The following R3HDML variants were observed in gnomAD, a reference collection of about 807,000 sequenced individuals.
The protein encoded by R3HDML is R3H domain containing like.
In R3HDML, 21 loss-of-function variants were observed where a neutral mutation model predicts 24.2. That is an observed-to-expected ratio of 0.87 (90% CI 0.62 to 1.25). The LOEUF (loss-of-function observed/expected upper bound fraction) is 1.25. Among genes scored for constraint, R3HDML ranks in the 50% most tolerant of loss-of-function variants. R3HDML has a pLI of 0.00. For missense variants in R3HDML, 301 were observed against 340.3 expected (o/e 0.88, Z 0.91); for synonymous variants, 133 against 131.5 (o/e 1.01, Z -0.08).
At position 44,350,548 on chromosome 20, in the gene R3HDML, G is replaced by A. The variant is rs1289968346; in HGVS notation, c.630-112G>A. The A allele has an allele frequency of 5.3e-6, 5 of 942,394 alleles. No individual in the cohort carries two copies. The East Asian group carries it at 1.1e-4, about 22-fold the overall frequency. The allele number at this position is 942,394 out of a possible 1,614,324, so 58.4% of individuals were successfully genotyped here. ...AAAAGAAACCAAGGCTTGCAGATGT[G>A]ACTTGCCCCAGGTCCCCAGGGCTGG... On this transcript the variant is annotated intron_variant, in intron 4 of 4. Coordinates refer to ENST00000217043, the MANE Select transcript of R3HDML (RefSeq NM_178491.4).
In R3HDML at chr20:44,341,265, T is replaced by TC. The variant is rs777874051; in HGVS notation, c.332dup (p.Gln112ThrfsTer29). 1 of 1,614,174 alleles carries TC rather than the reference T, an allele frequency of 6.2e-7. No homozygotes were observed. Among genetic ancestry groups the TC allele is most frequent in the South Asian group, 1.1e-5 (1 of 91,078 alleles). ...CCAGTGCATCTGGGCACATGGGCCT[T>TC]CACAGCTGATGAGATACGTGGGCCA... On this transcript the variant is annotated frameshift_variant, in exon 2 of 5. Transcript: ENST00000217043. LOFTEE classifies it high-confidence loss of function.
chr20:44,348,251 G>C (rs769438941), intron 4 of R3HDML, among the ~76,000 whole-genome samples: 3 of 152,132 alleles, frequency 2.0e-5, no homozygotes, highest in Admixed American at 6.5e-5. Context: ...TCTTGGAATT[G>C]AGTGAGATAA....
chr20:44,345,705 G>A (rs1004726375), intron 4 of R3HDML, among the ~76,000 whole-genome samples: 3 of 152,046 alleles, frequency 2.0e-5, no homozygotes, highest in East Asian at 3.9e-4. Context: ...GGAGGGGTGA[G>A]GCGGGAGGGT....
intron 4 of R3HDML, among the ~76,000 whole-genome samples, chr20:44,349,759 G>A (rs1425083486): frequency 6.6e-6 from 1 of 152,182 alleles, no homozygotes; most frequent in Non-Finnish European, 1.5e-5. Flanking sequence ...AACAATTTTA[G>A]GCTTTGAAAG....
chr20:44,341,591 A>G (rs572945836), intron 2 of R3HDML, among the ~76,000 whole-genome samples: 6 of 152,302 alleles, frequency 3.9e-5, no homozygotes, highest in Non-Finnish European at 8.8e-5. Context: ...GACTAAGAAA[A>G]TAGGATAAGG....
intron 3 of R3HDML, among the ~76,000 whole-genome samples, chr20:44,343,779 T>G (rs1470704521): frequency 6.6e-6 from 1 of 150,752 alleles, no homozygotes; most frequent in Non-Finnish European, 1.5e-5. Context: ...CACTGTAACC[T>G]CTACCTCCCA....
chr20:44,341,352 A>T, intron 2 of R3HDML, 38 bp downstream of exon 2: 2 of 1,488,982 alleles, frequency 1.3e-6, no homozygotes, highest in Non-Finnish European at 1.9e-6. Flanking sequence ...TCAGTCATTC[A>T]ACAAATACTC....
Position 44,343,458 on chromosome 20 carries a change from C to G in R3HDML, c.462C>G (p.Asn154Lys). ...HYLFPAPRDC[N>K]PHCPWRCDGP... ...TGTTTCCGGCCCCAAGGGACTGTAACCCACACTGCCCCTGGCGCTGCGATG... is the reference window on the plus strand; with the variant it reads ...TGTTTCCGGCCCCAAGGGACTGTAAGCCACACTGCCCCTGGCGCTGCGATG... The change falls in exon 3 of 5, where the codon AAC becomes AAG. Residue 154 changes from asparagine to lysine, a missense_variant. Coordinates refer to ENST00000217043, the MANE Select transcript of R3HDML (RefSeq NM_178491.4). 6.2e-7 allele frequency: 1 copy of G among 1,613,016 alleles called. No homozygotes were observed. Among genetic ancestry groups the G allele is most frequent in the Non-Finnish European group, 8.5e-7 (1 of 1,179,490 alleles).
intron 2 of R3HDML, among the ~76,000 whole-genome samples, chr20:44,341,793 G>A (rs1011316463): frequency 1.3e-5 from 2 of 152,194 alleles, no homozygotes; most frequent in African/African-American, 4.8e-5. Flanking sequence ...GCTGAGGCAG[G>A]AGAATCACTT....
Position 44,337,463 on chromosome 20 carries a change from G to A in R3HDML, c.261+45G>A, listed in dbSNP as rs560349867. ...CCCCACCCCCCGCAGTGTCCCTTCCGGCAAACGCAGCCGGACTCATCTTGG... is the reference window on the plus strand; with the variant it reads ...CCCCACCCCCCGCAGTGTCCCTTCCAGCAAACGCAGCCGGACTCATCTTGG... On this transcript the variant is annotated intron_variant, in intron 1 of 4. Transcript: ENST00000217043. The surrounding 1 kb of genome is among the most constrained non-coding windows in gnomAD (Gnocchi z 4.7). 83 of 1,577,796 alleles carry A rather than the reference G, an allele frequency of 5.3e-5. No individual in the cohort carries two copies. In the Middle Eastern group the frequency reaches 1.0e-3, roughly 19 times the overall value.
chr20:44,347,136 C>T (rs1046556983), intron 4 of R3HDML, among the ~76,000 whole-genome samples: 10 of 152,110 alleles, frequency 6.6e-5, no homozygotes, highest in African/African-American at 9.7e-5. Flanking sequence ...AGCAAGACTC[C>T]GTCTCAAACA....
intron 4 of R3HDML, 105 bp from the exon 5 acceptor site, chr20:44,350,555 C>T (rs2062807187): frequency 3.8e-6 from 4 of 1,065,458 alleles, no homozygotes; most frequent in Non-Finnish European, 5.2e-6. Flanking sequence ...TGTGACTTGC[C>T]CCAGGTCCCC....
intron 3 of R3HDML, among the ~76,000 whole-genome samples, chr20:44,344,532 A>T (rs1458056979): frequency 1.3e-5 from 2 of 152,182 alleles, no homozygotes; most frequent in African/African-American, 4.8e-5. Context: ...CTGTAATCGT[A>T]GCACTTTGGG....
chr20:44,346,862 C>T (rs1345283781), intron 4 of R3HDML, among the ~76,000 whole-genome samples: 1 of 152,198 alleles, frequency 6.6e-6, no homozygotes, highest in African/African-American at 2.4e-5. Context: ...CAAGAACAGG[C>T]CAGGAGCAGT....
At chr20:44,339,222 G>A (rs750545739) in intron 1 of R3HDML, among the ~76,000 whole-genome samples, 4 of 151,996 alleles carry the variant, frequency 2.6e-5, no homozygotes, top group Admixed American at 6.6e-5. Flanking sequence ...TCTCACTGCC[G>A]CAAGAAAGTT....
chr20:44,345,829 C>CTTTCTTTCTTTTTTTTTTTT (rs1428987914), intron 4 of R3HDML, among the ~76,000 whole-genome samples: 41 of 147,876 alleles, frequency 2.8e-4, no homozygotes, highest in African/African-American at 9.8e-4. Context: ...TTCTTTCTTT[C>CTTTCTTTCTTTTTTTTTTTT]TTTTTTTTGA....
chr20:44,350,125 T>C (rs2062804818), intron 4 of R3HDML, among the ~76,000 whole-genome samples: 2 of 152,044 alleles, frequency 1.3e-5, no homozygotes, highest in Non-Finnish European at 1.5e-5. Flanking sequence ...GAGCCACTAA[T>C]TAACTAGGCA....
intron 4 of R3HDML, among the ~76,000 whole-genome samples, chr20:44,348,611 A>T (rs2062798055): frequency 6.6e-6 from 1 of 151,516 alleles, no homozygotes; most frequent in Non-Finnish European, 1.5e-5. Flanking sequence ...AGCAATCCTC[A>T]CACCACAGCC....
At chr20:44,345,415 C>T (rs745636270) in intron 4 of R3HDML, 37 bp downstream of exon 4, 2 of 1,467,332 alleles carry the variant, frequency 1.4e-6, no homozygotes, top group South Asian at 1.2e-5. Context: ...GGCCCTGGGG[C>T]CGGCGGGTGG....
Sources: gnomAD v4.1 joint callset for allele counts (sites outside exome capture counted in the v4.1 genomes callset) on GRCh38, gnomAD v4.1.1 for gene constraint, Gnocchi (gnomAD v3.1) non-coding constraint, MANE v1.5 for transcripts, NCBI Gene and HGNC (gene_info 2026-07-23, HGNC 2026-07-21) for gene names.